MYOCD: variants seen among roughly 807,000 people sequenced by gnomAD.
MYOCD encodes the protein myocardin.
Under a neutral mutation model 96.1 loss-of-function variants are expected in MYOCD, and 32 were observed. That is an observed-to-expected ratio of 0.33 (90% CI 0.25 to 0.45). The LOEUF is 0.45. MYOCD is among the 20% of genes least tolerant of loss of function. The pLI is 1.00. For synonymous variants in MYOCD, 469 were observed against 469.0 expected (o/e 1.00, Z 0.00); for missense variants, 1,133 against 1,200.6 (o/e 0.94, Z 0.83).
chr17:12,735,457 G>A (rs1351753048), intron 5 of MYOCD, among the ~76,000 whole-genome samples: 1 of 151,990 alleles, frequency 6.6e-6, no homozygotes, highest in Admixed American at 6.5e-5. Context: ...GCTTGTGTGA[G>A]CCATTGAGGA....
chr17:12,713,292 T>A (rs943906197), intron 2 of MYOCD, among the ~76,000 whole-genome samples: 4 of 152,200 alleles, frequency 2.6e-5, no homozygotes, highest in Non-Finnish European at 5.9e-5. Context: ...ATTGTAGTTC[T>A]ACGAAGCTGA....
At chr17:12,687,060 G>A (rs2030158668) in intron 1 of MYOCD, among the ~76,000 whole-genome samples, 1 of 152,152 alleles carries the variant, frequency 6.6e-6, no homozygotes, top group Admixed American at 6.5e-5. Flanking sequence ...ATAGCACACC[G>A]AAGTTGGAAG....
intron 4 of MYOCD, among the ~76,000 whole-genome samples, chr17:12,721,157 A>C (rs2031824511): frequency 6.6e-6 from 1 of 152,016 alleles, no homozygotes; most frequent in Non-Finnish European, 1.5e-5. Context: ...TATAATCAAA[A>C]AACATATGAA....
rs529937672 is a variant in MYOCD at position 12,666,762 on chromosome 17, AAAAG to A, written c.55+524_55+527del. Among the ~76,000 whole-genome samples, 11 of 152,364 alleles carry A rather than the reference AAAAG, an allele frequency of 7.2e-5. No homozygotes were observed. In the South Asian group the frequency reaches 8.3e-4, roughly 11 times the overall value. ...TTAAAATGACATCACTGTAGAAAAAAAAAGAAAGCCCAGTGCCACAAATATTTTT... is the reference window on the plus strand; with the variant it reads ...TTAAAATGACATCACTGTAGAAAAAAAAAGCCCAGTGCCACAAATATTTTT... On this transcript the variant is annotated intron_variant, in intron 1 of 13. Coordinates refer to ENST00000425538, the MANE Select transcript of MYOCD (RefSeq NM_001146312.3).
chr17:12,697,308 A>G (rs1030041712), intron 1 of MYOCD, among the ~76,000 whole-genome samples: 3 of 143,570 alleles, frequency 2.1e-5, no homozygotes, highest in Non-Finnish European at 3.0e-5. Context: ...TCGCTGAGGA[A>G]TCTCATTCTT....
intron 9 of MYOCD, 148 bp from the exon 10 acceptor site, chr17:12,752,266 G>A: frequency 6.0e-6 from 4 of 664,234 alleles, no homozygotes; most frequent in Non-Finnish European, 1.0e-5. Flanking sequence ...TTATATCAGG[G>A]GTAGGAGAGG....
chr17:12,712,790 C>CTT (rs58675286), intron 2 of MYOCD, among the ~76,000 whole-genome samples: 1 of 152,112 alleles, frequency 6.6e-6, no homozygotes, highest in African/African-American at 2.4e-5. Flanking sequence ...ATCACATGGA[C>CTT]TTTTTTAAAA....
At chr17:12,693,933 T>G (rs2030609984) in intron 1 of MYOCD, among the ~76,000 whole-genome samples, 1 of 152,088 alleles carries the variant, frequency 6.6e-6, no homozygotes, top group African/African-American at 2.4e-5. Context: ...AATGTCAGAA[T>G]CATGAGAGAG....
At chr17:12,750,625 G>T (rs911224706) in intron 9 of MYOCD, among the ~76,000 whole-genome samples, 2 of 152,004 alleles carry the variant, frequency 1.3e-5, no homozygotes, top group East Asian at 3.9e-4. Context: ...GGAGGTGGAG[G>T]TTGCAGTGAG....
chr17:12,666,127 C>T lies in MYOCD; in HGVS notation c.-62C>T. ...TGCGGTCAGCTGGGCTCCCGGGAGC[C>T]TGTTGCTGGTGGAGAACAGGGGGCG... On this transcript the variant is annotated 5_prime_UTR_variant, in exon 1 of 14. Coordinates refer to ENST00000425538, the MANE Select transcript of MYOCD (RefSeq NM_001146312.3). 7.6e-7 allele frequency: 1 copy of T among 1,311,292 alleles called. No homozygotes were observed. The allele number at this position is 1,311,292 out of a possible 1,614,324, so 81.2% of individuals were successfully genotyped here.
At chr17:12,710,926 C>G (rs8076064) in intron 2 of MYOCD, among the ~76,000 whole-genome samples, 1 of 152,050 alleles carries the variant, frequency 6.6e-6, no homozygotes, top group Non-Finnish European at 1.5e-5. Context: ...GAAAACTAGT[C>G]ATTACAGGCA....
chr17:12,694,925 A>G (rs1179054898), intron 1 of MYOCD, among the ~76,000 whole-genome samples: 2 of 150,618 alleles, frequency 1.3e-5, no homozygotes, highest in African/African-American at 2.4e-5. Context: ...TAGTAGCTCT[A>G]CAGCTACTAA....
intron 2 of MYOCD, among the ~76,000 whole-genome samples, chr17:12,707,363 A>T (rs1471359599): frequency 6.6e-6 from 1 of 152,152 alleles, no homozygotes; most frequent in African/African-American, 2.4e-5. Context: ...AATAAGCAAG[A>T]TGGTCCCTCA....
intron 2 of MYOCD, among the ~76,000 whole-genome samples, chr17:12,711,603 A>G (rs893955699): frequency 1.3e-5 from 2 of 152,208 alleles, no homozygotes; most frequent in African/African-American, 4.8e-5. Flanking sequence ...CCAAGTTGCT[A>G]TGATTCCAGG....
chr17:12,742,934 T>A (rs962369424), intron 7 of MYOCD, among the ~76,000 whole-genome samples: 2 of 152,122 alleles, frequency 1.3e-5, no homozygotes, highest in Non-Finnish European at 2.9e-5. Context: ...TATACAAAGG[T>A]CTTTTATTTC....
chr17:12,713,213 T>C (rs1182272963), intron 2 of MYOCD, among the ~76,000 whole-genome samples: 1 of 152,216 alleles, frequency 6.6e-6, no homozygotes, highest in Non-Finnish European at 1.5e-5. Flanking sequence ...ACCTTTGTGC[T>C]CCTGGCATCA....
chr17:12,673,786 G>A (rs1253881350), intron 1 of MYOCD, among the ~76,000 whole-genome samples: 2 of 152,164 alleles, frequency 1.3e-5, no homozygotes, highest in Non-Finnish European at 2.9e-5. Context: ...CACTTACAAT[G>A]TAACAAACTT....
intron 2 of MYOCD, among the ~76,000 whole-genome samples, chr17:12,712,888 CAG>C (rs1267576224): frequency 6.6e-5 from 10 of 152,158 alleles, no homozygotes; most frequent in Non-Finnish European, 1.3e-4. Flanking sequence ...AGGCTGGCAG[CAG>C]AAGTGGTTTT....
chr17:12,682,677 G>T (rs1194262161), intron 1 of MYOCD, among the ~76,000 whole-genome samples: 1 of 152,184 alleles, frequency 6.6e-6, no homozygotes, highest in Non-Finnish European at 1.5e-5. Flanking sequence ...CATCCAAGCT[G>T]CTGTTCAACA....
Sources: gnomAD v4.1 joint callset for allele counts (sites outside exome capture counted in the v4.1 genomes callset) on GRCh38, gnomAD v4.1.1 for gene constraint, MANE v1.5 for transcripts, NCBI Gene and HGNC (gene_info 2026-07-23, HGNC 2026-07-21) for gene names.